The following GRIK4 variants were observed in gnomAD, a reference collection of about 807,000 sequenced individuals.
GRIK4 encodes glutamate ionotropic receptor kainate type subunit 4.
In GRIK4, 40 loss-of-function variants were observed where a neutral mutation model predicts 104.9. The ratio of observed to expected loss-of-function variants is 0.38; its 90% CI spans 0.30 to 0.50. GRIK4 has a LOEUF of 0.50. Ranked by LOEUF, GRIK4 falls within the 20% of genes least tolerant of loss-of-function variation. The pLI is 0.93. For missense variants in GRIK4, 1,047 were observed against 1,308.1 expected, an observed-to-expected ratio of 0.80 and a Z score of 3.08; for synonymous variants, 485 against 524.9, an observed-to-expected ratio of 0.92 and a Z score of 1.04.
chr11:120,824,553 C>CTCTCTT (rs1953207751), intron 6 of GRIK4, among the ~76,000 whole-genome samples: 1 of 128,894 alleles, frequency 7.8e-6, no homozygotes, highest in Non-Finnish European at 1.7e-5. Context: ...TTTTTCTTTT[C>CTCTCTT]TTTTTTTTTT....
chr11:120,917,247 C>CAAAAAAAAAAAAAAAAAAAAAA (rs199620498), intron 13 of GRIK4, among the ~76,000 whole-genome samples: 1 of 34,800 alleles, frequency 2.9e-5, no homozygotes, highest in Admixed American at 3.8e-4. Context: ...AACTCCGTCT[C>CAAAAAAAAAAAAAAAAAAAAAA]AAAAAAAAAA....
Position 120,521,852 on chromosome 11 carries a change from G to A in GRIK4, c.-159+9965G>A, listed in dbSNP as rs566796500. Among the ~76,000 whole-genome samples the A allele has an allele frequency of 7.2e-5, 11 of 152,248 alleles. No individual in the cohort carries two copies. In the South Asian group the frequency reaches 8.3e-4, roughly 11 times the overall value. On this transcript the variant is annotated intron_variant, in intron 1 of 20. Coordinates refer to ENST00000527524, the MANE Select transcript of GRIK4 (RefSeq NM_014619.5). ...TACCTGAGCTTCTATTATCTCCCGC[G>A]GGTGGTTATCCTGCCTCGGCTGCTG...
chr11:120,937,130 C>T (rs568057323), intron 13 of GRIK4, among the ~76,000 whole-genome samples: 15 of 152,324 alleles, frequency 9.8e-5, no homozygotes, highest in Admixed American at 5.9e-4. Context: ...CTCCATCTCC[C>T]GGGTTCAAGT....
At chr11:120,533,260 T>C (rs1390766898) in intron 1 of GRIK4, among the ~76,000 whole-genome samples, 1 of 152,148 alleles carries the variant, frequency 6.6e-6, no homozygotes, top group African/African-American at 2.4e-5. Flanking sequence ...GAGTGAGAGA[T>C]GGCAGAGAAT....
intron 1 of GRIK4, among the ~76,000 whole-genome samples, chr11:120,512,088 C>T (rs1266782891): frequency 6.7e-6 from 1 of 149,972 alleles, no homozygotes; most frequent in Admixed American, 6.6e-5. Context: ...CCCGCCAGCC[C>T]GGTCCCTGGC....
intron 1 of GRIK4, among the ~76,000 whole-genome samples, chr11:120,625,347 G>A (rs1051902458): frequency 6.6e-6 from 1 of 152,140 alleles, no homozygotes; most frequent in East Asian, 1.9e-4. Flanking sequence ...AGGCAGCGGG[G>A]AATGGCAGAT....
At chr11:120,629,127 C>T (rs1949300310) in intron 1 of GRIK4, among the ~76,000 whole-genome samples, 1 of 152,062 alleles carries the variant, frequency 6.6e-6, no homozygotes, top group South Asian at 2.1e-4. Context: ...GGAGGTGGCC[C>T]AGAGATGGGC....
chr11:120,785,767 TGCA>T (rs1952256244), intron 3 of GRIK4, among the ~76,000 whole-genome samples: 1 of 152,220 alleles, frequency 6.6e-6, no homozygotes, highest in Non-Finnish European at 1.5e-5. Flanking sequence ...AATGGTTCTC[TGCA>T]GCGCCTGAGC....
intron 3 of GRIK4, among the ~76,000 whole-genome samples, chr11:120,750,686 A>G (rs1951534788): frequency 6.6e-6 from 1 of 152,118 alleles, no homozygotes; most frequent in Non-Finnish European, 1.5e-5. Flanking sequence ...CTCTGTTTCT[A>G]TCATTCTGTT....
At chr11:120,519,868 TTTTTTTTTTTTG>T (rs1298448434) in intron 1 of GRIK4, among the ~76,000 whole-genome samples, 10 of 113,148 alleles carry the variant, frequency 8.8e-5, no homozygotes, top group Admixed American at 5.5e-4. Context: ...ACTACTGGTT[TTTTTTTTTTTTG>T]TTTTTTTTTT....
At chr11:120,755,448 A>T (rs1042382219) in intron 3 of GRIK4, among the ~76,000 whole-genome samples, 1 of 152,062 alleles carries the variant, frequency 6.6e-6, no homozygotes, top group Non-Finnish European at 1.5e-5. Context: ...TCTACAAAAA[A>T]TTTGAAGAAA....
At chr11:120,619,696 C>T (rs939463916) in intron 1 of GRIK4, among the ~76,000 whole-genome samples, 1 of 152,090 alleles carries the variant, frequency 6.6e-6, no homozygotes, top group Admixed American at 6.5e-5. Flanking sequence ...GTGGCACCTC[C>T]CCTACTCTTC....
intron 1 of GRIK4, among the ~76,000 whole-genome samples, chr11:120,547,825 A>G (rs1222440186): frequency 6.6e-6 from 1 of 152,156 alleles, no homozygotes; most frequent in Non-Finnish European, 1.5e-5. Context: ...TTTTTATAAG[A>G]ATCTGTTACT....
chr11:120,881,934 C>T (rs920493617), intron 11 of GRIK4, among the ~76,000 whole-genome samples: 1 of 152,174 alleles, frequency 6.6e-6, no homozygotes, highest in African/African-American at 2.4e-5. Flanking sequence ...TTTTAGCAGA[C>T]CTGCTTCTCT....
intron 13 of GRIK4, among the ~76,000 whole-genome samples, chr11:120,917,203 T>C (rs1281883201): frequency 8.1e-6 from 1 of 123,812 alleles, no homozygotes; most frequent in Admixed American, 1.1e-4. Flanking sequence ...GCTGAGATCA[T>C]GCCATTGCAC....
chr11:120,688,282 A>T (rs1950304876), intron 3 of GRIK4, among the ~76,000 whole-genome samples: 1 of 152,184 alleles, frequency 6.6e-6, no homozygotes, highest in African/African-American at 2.4e-5. Flanking sequence ...TCTAGTTCTT[A>T]GTGGAAGCAT....
At chr11:120,598,880 T>C (rs1948842013) in intron 1 of GRIK4, among the ~76,000 whole-genome samples, 1 of 152,218 alleles carries the variant, frequency 6.6e-6, no homozygotes, top group Non-Finnish European at 1.5e-5. Flanking sequence ...TCTGTTAATG[T>C]CCGGTTGGCC....
rs570110059 is a variant in GRIK4, at chr11:120,513,806, A to C, written c.-159+1919A>C. Among the ~76,000 whole-genome samples the C allele has an allele frequency of 6.6e-6, 1 of 152,108 alleles. No individual in the cohort carries two copies. The highest frequency in any genetic ancestry group is 2.1e-4 in the South Asian group (1 of 4,810). On this transcript the variant is annotated intron_variant, in intron 1 of 20. Coordinates refer to ENST00000527524, the MANE Select transcript of GRIK4 (RefSeq NM_014619.5). The surrounding 1 kb of genome is among the most constrained non-coding windows in gnomAD (Gnocchi z 4.5). ...TGGATGCTCGGGAGGGGAGGTTGAG[A>C]GGGGATCTTGGTTTTCTGTGTTTTT...
chr11:120,752,173 G>A (rs1248399700), intron 3 of GRIK4, among the ~76,000 whole-genome samples: 1 of 152,164 alleles, frequency 6.6e-6, no homozygotes, highest in African/African-American at 2.4e-5. Flanking sequence ...GACACTCAGG[G>A]CAACCGGGGC....
Sources: allele counts gnomAD v4.1 joint callset (sites outside exome capture counted in the v4.1 genomes callset), GRCh38; gene constraint gnomAD v4.1.1; non-coding constraint Gnocchi (gnomAD v3.1); transcripts MANE v1.5; gene names NCBI Gene and HGNC (gene_info 2026-07-23, HGNC 2026-07-21).